The following B4GALT6 variants were observed in gnomAD, a reference collection of about 807,000 sequenced individuals.
B4GALT6 encodes beta-1,4-galactosyltransferase 6.
A neutral mutation model predicts 46.3 loss-of-function variants in B4GALT6; 14 were observed. The observed-to-expected ratio is 0.30, with a 90% CI of 0.20 to 0.47. B4GALT6 has a LOEUF of 0.47. B4GALT6 is among the 20% of genes least tolerant of loss of function. B4GALT6 has a pLI of 0.99. For synonymous variants in B4GALT6, 168 were observed against 162.0 expected, an observed-to-expected ratio of 1.04 and a Z score of -0.28; for missense variants, 386 against 480.1, an observed-to-expected ratio of 0.80 and a Z score of 1.83.
At chr18:31,700,897 T>C in the B4GALT6 span, among the ~76,000 whole-genome samples, 1 of 152,062 alleles carries the variant, frequency 6.6e-6, no homozygotes, top group African/African-American at 2.4e-5. Context: ...CAATCCACAT[T>C]GATATAGAGT....
rs1259679414 is a variant in B4GALT6, at chr18:31,631,138, T to C, written c.597A>G (p.Thr199=). ...FAFYVIEQTG[T]QPFNRAMLFN... is the part of the protein sequence containing the mutation. ...AAAGCATCGCACGGTTAAAAGGTTG[T>C]GTGCCAGTCTTCATGGAGCAGACCG... The change falls in exon 6 of 9, where the codon ACA becomes ACG. Residue 199 remains threonine, a synonymous_variant. Coordinates refer to ENST00000306851, the MANE Select transcript of B4GALT6 (RefSeq NM_004775.5). The C allele has an allele frequency of 1.2e-6, 2 of 1,612,328 alleles. No individual in the cohort carries two copies. The highest frequency in any genetic ancestry group is 1.7e-6 in the Non-Finnish European group (2 of 1,178,866).
the B4GALT6 span, among the ~76,000 whole-genome samples, chr18:31,717,206 TATG>T: frequency 3.3e-5 from 5 of 152,142 alleles, no homozygotes; most frequent in Admixed American, 6.5e-5. Flanking sequence ...ATGGATAAAT[TATG>T]ATATTTATAT....
At chr18:31,688,226 T>A (rs977647141), upstream of B4GALT6, among the ~76,000 whole-genome samples, 2 of 139,696 alleles carry the variant, frequency 1.4e-5, no homozygotes, top group Non-Finnish European at 3.1e-5. Flanking sequence ...AAATGGAATA[T>A]TTATATACAT....
the B4GALT6 span, among the ~76,000 whole-genome samples, chr18:31,691,678 A>G: frequency 1.3e-5 from 2 of 152,170 alleles, no homozygotes; most frequent in Non-Finnish European, 2.9e-5. Flanking sequence ...TGACTAAATC[A>G]TTCTGGGGGG....
intron 3 of B4GALT6, among the ~76,000 whole-genome samples, chr18:31,651,556 C>A (rs1173939169): frequency 6.6e-6 from 1 of 152,134 alleles, no homozygotes; most frequent in Non-Finnish European, 1.5e-5. Flanking sequence ...CACACGGCCT[C>A]CTGCTTTACT....
chr18:31,675,103 C>T (rs1024195799), intron 1 of B4GALT6, among the ~76,000 whole-genome samples: 3 of 152,170 alleles, frequency 2.0e-5, no homozygotes, highest in African/African-American at 7.2e-5. Context: ...ACAACTCAAG[C>T]TTTGCAGATG....
chr18:31,627,963 A>C (rs939588016), intron 6 of B4GALT6, among the ~76,000 whole-genome samples: 41 of 152,178 alleles, frequency 2.7e-4, no homozygotes, highest in African/African-American at 9.7e-4. Context: ...GCACCCAAAA[A>C]TCAAGCTGAG....
chr18:31,719,934 T>A, the B4GALT6 span, among the ~76,000 whole-genome samples: 2 of 152,160 alleles, frequency 1.3e-5, no homozygotes, highest in Non-Finnish European at 2.9e-5. Context: ...AGGAGCAATG[T>A]GGGGAGGTTC....
chr18:31,651,810 T>G (rs940533868), intron 3 of B4GALT6, among the ~76,000 whole-genome samples: 2 of 152,046 alleles, frequency 1.3e-5, no homozygotes, highest in South Asian at 2.1e-4. Flanking sequence ...TCCCTCTGTT[T>G]CCCAGGCTGA....
At chr18:31,685,240 G>C (rs1464092322), upstream of B4GALT6, among the ~76,000 whole-genome samples, 1 of 150,794 alleles carries the variant, frequency 6.6e-6, no homozygotes, top group Non-Finnish European at 1.5e-5. Flanking sequence ...CCGCGCGCCC[G>C]GGGTGAGGCG....
chr18:31,638,703 G>GT lies in B4GALT6; in HGVS notation c.528dup (p.His177ThrfsTer19). On this transcript the variant is annotated frameshift_variant, in exon 5 of 9. Coordinates refer to ENST00000306851, the MANE Select transcript of B4GALT6 (RefSeq NM_004775.5). LOFTEE classifies it high-confidence loss of function. ...TGCTTCTGGAGCATTGGAATCAGAT[G>GT]TAAGAAAAAAATTGGAAGATGTTCA... The GT allele has an allele frequency of 6.2e-7, 1 of 1,614,078 alleles. No homozygotes were observed. The highest frequency in any genetic ancestry group is 8.5e-7 in the Non-Finnish European group (1 of 1,180,000).
intron 2 of B4GALT6, chr18:31,658,585 TTAAG>T (rs1263024880): frequency 1.3e-5 from 2 of 152,428 alleles, no homozygotes; most frequent in African/African-American, 4.8e-5. Context: ...TTCTAAACCT[TTAAG>T]TTAGTCATTC....
At chr18:31,655,626 A>T (rs113159162) in intron 3 of B4GALT6, among the ~76,000 whole-genome samples, 4,824 of 152,302 alleles carry the variant, frequency 0.032, 85 homozygotes, top group Middle Eastern at 0.082. Flanking sequence ...ATTAGTACTC[A>T]TAAAGCACTA....
chr18:31,698,232 C>A, the B4GALT6 span, among the ~76,000 whole-genome samples: 1 of 152,096 alleles, frequency 6.6e-6, no homozygotes, highest in African/African-American at 2.4e-5. Context: ...TTGTTTTTGA[C>A]CTTTTGACCT....
chr18:31,674,102 T>C (rs2074388447), intron 1 of B4GALT6, among the ~76,000 whole-genome samples: 4 of 152,132 alleles, frequency 2.6e-5, no homozygotes, highest in African/African-American at 4.8e-5. Context: ...TCTGAGAAAA[T>C]AAACTTGATG....
intron 3 of B4GALT6, among the ~76,000 whole-genome samples, chr18:31,656,929 C>T (rs553682564): frequency 6.6e-6 from 1 of 152,292 alleles, no homozygotes; most frequent in South Asian, 2.1e-4. Flanking sequence ...GGAAAACTTA[C>T]TCAAACCCAC....
In B4GALT6 at chr18:31,623,854, C is replaced by A. The variant is rs2073649988; in HGVS notation, c.*1760G>T. The A allele has an allele frequency of 6.6e-6, 1 of 151,912 alleles. No homozygotes were observed. The highest frequency in any genetic ancestry group is 6.6e-5 in the Admixed American group (1 of 15,264). The allele number at this position is 151,912 out of a possible 1,614,324, so 9.4% of individuals were successfully genotyped here. A position where few individuals can be genotyped will look rare whatever the true frequency, so the allele number is the denominator to read the frequency against. On this transcript the variant is annotated 3_prime_UTR_variant, in exon 9 of 9. Transcript: ENST00000306851. ...AAATGACACTTCAAAATAAAACTTACAATCTGAGATAAATAACCATAGTTC... is the reference window on the plus strand; with the variant it reads ...AAATGACACTTCAAAATAAAACTTAAAATCTGAGATAAATAACCATAGTTC...
At chr18:31,682,934 T>C (rs2074497550) in intron 1 of B4GALT6, among the ~76,000 whole-genome samples, 1 of 152,142 alleles carries the variant, frequency 6.6e-6, no homozygotes, top group South Asian at 2.1e-4. Flanking sequence ...CCACTGTCAT[T>C]TGTACTATAG....
chr18:31,722,277 G>A, the B4GALT6 span, among the ~76,000 whole-genome samples: 1 of 152,052 alleles, frequency 6.6e-6, no homozygotes, highest in South Asian at 2.1e-4. Context: ...GAAGGAGCAA[G>A]GGTATTGTAT....
Sources: gnomAD v4.1 joint callset for allele counts (sites outside exome capture counted in the v4.1 genomes callset) on GRCh38, gnomAD v4.1.1 for gene constraint, MANE v1.5 for transcripts, NCBI Gene and HGNC (gene_info 2026-07-23, HGNC 2026-07-21) for gene names.